The following ABCA10 variants were observed in gnomAD, a reference collection of about 807,000 sequenced individuals.
ABCA10 encodes the protein ATP-binding cassette sub-family A member 10.
Under a neutral mutation model 187.5 loss-of-function variants are expected in ABCA10, and 169 were observed. The ratio of observed to expected loss-of-function variants is 0.90; its 90% CI spans 0.80 to 1.02. The LOEUF is 1.02. Ranked by LOEUF, ABCA10 falls within the 50% of genes least tolerant of loss-of-function variation. The probability of loss-of-function intolerance (pLI) is 0.00; values close to 1 mark genes in which losing one functional copy is unlikely to be tolerated. For missense variants in ABCA10, 1,727 were observed against 1,812.4 expected, an observed-to-expected ratio of 0.95 and a Z score of 0.86; for synonymous variants, 574 against 601.8, an observed-to-expected ratio of 0.95 and a Z score of 0.68.
At chr17:69,185,442 A>G in intron 20 of ABCA10, 35 bp downstream of exon 20, 1 of 1,575,806 alleles carries the variant, frequency 6.3e-7, no homozygotes, top group South Asian at 1.2e-5. Context: ...CTTTGATAAT[A>G]AAAACTCACA....
chr17:69,184,647 A>G (rs1455503915), intron 20 of ABCA10, among the ~76,000 whole-genome samples: 1 of 152,080 alleles, frequency 6.6e-6, no homozygotes, highest in Non-Finnish European at 1.5e-5. Context: ...CAGTGTGGAG[A>G]TTCCTTAAAG....
rs568424141 is a variant in ABCA10, at chr17:69,161,985, C to A, written c.3363+2089G>T. 7.6e-4 allele frequency among the ~76,000 whole-genome samples: 116 copies of A among 152,198 alleles called. 1 individual carries two copies. Among genetic ancestry groups the A allele is most frequent in the Non-Finnish European group, 1.2e-3 (81 of 68,018 alleles). On this transcript the variant is annotated intron_variant, in intron 27 of 38. Transcript: ENST00000690296. ...CACATCAATTTGAGAGGAAAAAATT[C>A]ATCTCTTTCATCTCCTAATTGAAGA... is the stretch of plus-strand genomic sequence containing the variant.
chr17:69,175,394 TCTCC>T lies in ABCA10; in HGVS notation c.2877+8_2877+11del, dbSNP rs775202157. On this transcript the variant is annotated splice_region_variant and intron_variant, in intron 23 of 38. Coordinates refer to ENST00000690296, the MANE Select transcript of ABCA10 (RefSeq NM_001377321.1). Reference sequence around the variant, plus strand: ...ATCAATCTCAATCTAATTTCCTCTCTCTCCCTCTTACTTTATAATCGCTGATGCT... The same window carrying T: ...ATCAATCTCAATCTAATTTCCTCTCTCTCTTACTTTATAATCGCTGATGCT... 5 of 1,596,498 alleles carry T rather than the reference TCTCC, an allele frequency of 3.1e-6. No homozygotes were observed. The highest frequency in any genetic ancestry group is 4.3e-6 in the Non-Finnish European group (5 of 1,170,416).
chr17:69,209,772 C>T lies in ABCA10; in HGVS notation c.1006+4932G>A, dbSNP rs1041316516. On this transcript the variant is annotated intron_variant, in intron 9 of 38. Transcript: ENST00000690296. ...ACAAACCTAATGATATAGTCTACTA[C>T]GCACCTAGGCTATGTGGTAGCCCAT... Among the ~76,000 whole-genome samples, 11 of 152,138 alleles carry T rather than the reference C, an allele frequency of 7.2e-5. 1 individual carries two copies. The highest frequency in any genetic ancestry group is 5.9e-4 in the Admixed American group (9 of 15,268).
At chr17:69,156,422 A>G (rs2074174885) in intron 28 of ABCA10, among the ~76,000 whole-genome samples, 1 of 152,202 alleles carries the variant, frequency 6.6e-6, no homozygotes, top group Admixed American at 6.5e-5. Context: ...CTTAGAAACT[A>G]TCCCTGCATC....
intron 2 of ABCA10, among the ~76,000 whole-genome samples, chr17:69,226,348 A>T (rs1202597374): frequency 6.6e-6 from 1 of 152,018 alleles, no homozygotes; most frequent in Non-Finnish European, 1.5e-5. Context: ...ATAAATATAG[A>T]TGTATCCTTC....
chr17:69,238,000 A>C (rs1460056087), intron 1 of ABCA10, among the ~76,000 whole-genome samples: 1 of 151,940 alleles, frequency 6.6e-6, no homozygotes, highest in East Asian at 1.9e-4. Context: ...GTCTCTACTA[A>C]AAAATACAAA....
chr17:69,225,531 T>C lies in ABCA10; in HGVS notation c.-171-2A>G. On this transcript the variant is annotated splice_acceptor_variant, in intron 2 of 38. Coordinates refer to ENST00000690296, the MANE Select transcript of ABCA10 (RefSeq NM_001377321.1). LOFTEE classifies it low-confidence loss of function (5UTR_SPLICE). ...TAGAAACAATGTTATTGTCCATTCC[T>C]CCAGCACACAAAAGAGAAATGAGCC... The C allele has an allele frequency of 1.7e-6, 1 of 577,080 alleles. No individual in the cohort carries two copies. Among genetic ancestry groups the C allele is most frequent in the South Asian group, 2.5e-5 (1 of 39,322 alleles). The allele number at this position is 577,080 out of a possible 1,614,324, so 35.7% of individuals were successfully genotyped here. A position where few individuals can be genotyped will look rare whatever the true frequency, so the allele number is the denominator to read the frequency against.
At chr17:69,228,483 A>G (rs1470961022) in intron 1 of ABCA10, 98 bp downstream of exon 1, 1 of 152,028 alleles carries the variant, frequency 6.6e-6, no homozygotes, top group East Asian at 1.9e-4. Context: ...GAATAATATA[A>G]TTTTAAAAAT....
In ABCA10 at chr17:69,164,124, C is replaced by A. The variant is rs2074238570; in HGVS notation, c.3313G>T (p.Asp1105Tyr). ...TTATTGACTTCATTTATTCTATTGT[C>A]CAGACTGTCCAAGTTTCTCATAAAG... ...LDFMRNLDSLDNRINEVNKTI... is the reference protein window; with the variant it reads ...LDFMRNLDSLYNRINEVNKTI... Residue 1105 changes from aspartate (D) to tyrosine (Y), a missense_variant, in exon 27 of 39, where the codon GAC becomes TAC. Asp to Tyr is a radical substitution (Grantham distance 160, BLOSUM62 -3). Coordinates refer to ENST00000690296, the MANE Select transcript of ABCA10 (RefSeq NM_001377321.1). 2 of 1,587,626 alleles carry A rather than the reference C, an allele frequency of 1.3e-6. No individual in the cohort carries two copies. Among genetic ancestry groups the A allele is most frequent in the Middle Eastern group, 1.7e-4 (1 of 5,956 alleles).
chr17:69,169,654 T>C (rs992070931), intron 25 of ABCA10, among the ~76,000 whole-genome samples: 2 of 152,082 alleles, frequency 1.3e-5, no homozygotes, highest in Non-Finnish European at 2.9e-5. Flanking sequence ...GAAAAACAGA[T>C]TAATGGAAGA....
upstream of ABCA10, chr17:69,233,611 C>G (rs1401744215): frequency 2.6e-5 from 4 of 152,174 alleles, no homozygotes; most frequent in African/African-American, 9.7e-5. Context: ...CCTAAATGTT[C>G]TTGATGCTTG....
At position 69,155,096 on chromosome 17, in the gene ABCA10, T is replaced by C. The variant is rs2074163677; in HGVS notation, c.3617A>G (p.Tyr1206Cys). The change falls in exon 30 of 39, where the codon TAT becomes TGT. Residue 1206 changes from tyrosine (Y) to cysteine (C), a missense_variant. Transcript: ENST00000690296. ...ITASCLHKEY[Y>C]ETKKSCFSTR... ...TGAAAAGCAACTTTTCTTTGTCTCA[T>C]AATATTCCTTGTGTAAACAGCTTGC... The C allele has an allele frequency of 6.2e-7, 1 of 1,612,840 alleles. No individual in the cohort carries two copies. Among genetic ancestry groups the C allele is most frequent in the Non-Finnish European group, 8.5e-7 (1 of 1,179,358 alleles).
At chr17:69,226,948 C>T (rs889393026) in intron 2 of ABCA10, among the ~76,000 whole-genome samples, 197 bp downstream of exon 2, 5 of 151,716 alleles carry the variant, frequency 3.3e-5, no homozygotes, top group African/African-American at 1.2e-4. Flanking sequence ...GTTAATTTCA[C>T]ATTTGACACA....
chr17:69,194,766 T>C (rs2074486024), intron 11 of ABCA10, among the ~76,000 whole-genome samples: 1 of 152,198 alleles, frequency 6.6e-6, no homozygotes, highest in African/African-American at 2.4e-5. Flanking sequence ...ACACTTAATA[T>C]TAAATAATAA....
chr17:69,194,324 A>T, intron 12 of ABCA10, 61 bp downstream of exon 12: 2 of 1,397,594 alleles, frequency 1.4e-6, no homozygotes, highest in Non-Finnish European at 2.0e-6. Context: ...TTTTTTACAT[A>T]ATCAAACCAA....
intron 36 of ABCA10, among the ~76,000 whole-genome samples, chr17:69,151,369 G>T (rs746758150): frequency 4.6e-5 from 7 of 152,136 alleles, no homozygotes; most frequent in Admixed American, 4.6e-4. Context: ...CCAAAAGGAA[G>T]AACCTTGTCT....
chr17:69,187,615 C>G, intron 19 of ABCA10, 66 bp downstream of exon 19: 1 of 1,436,492 alleles, frequency 7.0e-7, no homozygotes, highest in East Asian at 2.4e-5. Context: ...AATATATTTA[C>G]TTTCTTAATA....
intron 1 of ABCA10, among the ~76,000 whole-genome samples, chr17:69,242,025 A>G (rs1433204911): frequency 6.6e-6 from 1 of 152,246 alleles, no homozygotes; most frequent in African/African-American, 2.4e-5. Context: ...TAGAAGATAC[A>G]GATAAGGCCT....
Sources: allele counts gnomAD v4.1 joint callset (sites outside exome capture counted in the v4.1 genomes callset), GRCh38; gene constraint gnomAD v4.1.1; transcripts MANE v1.5; gene names NCBI Gene and HGNC (gene_info 2026-07-23, HGNC 2026-07-21).